Variants in TAMM41 observed in about 807,000 individuals in gnomAD.
TAMM41 encodes the protein TAM41 mitochondrial translocator assembly and maintenance homolog, also known as phosphatidate cytidylyltransferase, mitochondrial.
A neutral mutation model predicts 44.1 loss-of-function variants in TAMM41; 36 were observed. That is an observed-to-expected ratio of 0.82 (90% CI 0.63 to 1.08). The LOEUF (loss-of-function observed/expected upper bound fraction) is 1.08, where lower values mean the gene tolerates loss of function less well. TAMM41 is among the 50% of genes least tolerant of loss of function. TAMM41 has a pLI of 0.00. For missense variants in TAMM41, 417 were observed against 404.3 expected (o/e 1.03, Z -0.27); for synonymous variants, 164 against 153.1 (o/e 1.07, Z -0.53).
chr3:11,766,704 C>T, the TAMM41 span, among the ~76,000 whole-genome samples: 4 of 151,292 alleles, frequency 2.6e-5, no homozygotes, highest in African/African-American at 7.3e-5. Context: ...GTAGCTGGGA[C>T]CAGGTGTGTG....
At chr3:11,807,135 A>G (rs2077933244) in intron 7 of TAMM41, 1 of 977,222 alleles carries the variant, frequency 1.0e-6, no homozygotes, top group Non-Finnish European at 1.2e-6. Flanking sequence ...CATGAGATAC[A>G]GTAAATGGGG....
At chr3:11,772,185 C>T in the TAMM41 span, among the ~76,000 whole-genome samples, 1 of 151,972 alleles carries the variant, frequency 6.6e-6, no homozygotes, top group Non-Finnish European at 1.5e-5. Context: ...ATTCTCCTGC[C>T]TCAGCCTCCG....
At chr3:11,729,786 C>G in the TAMM41 span, among the ~76,000 whole-genome samples, 1 of 151,536 alleles carries the variant, frequency 6.6e-6, no homozygotes, top group Non-Finnish European at 1.5e-5. Flanking sequence ...TCTCGAACTA[C>G]TGACTGCAAG....
chr3:11,736,830 T>G, the TAMM41 span, among the ~76,000 whole-genome samples: 1 of 152,178 alleles, frequency 6.6e-6, no homozygotes, highest in African/African-American at 2.4e-5. Context: ...GGGGAAATTC[T>G]TCTGTAGACT....
the TAMM41 span, among the ~76,000 whole-genome samples, chr3:11,723,085 T>C: frequency 6.6e-6 from 1 of 151,594 alleles, no homozygotes; most frequent in African/African-American, 2.4e-5. Context: ...ATGACACCAC[T>C]GTACTCCAGC....
chr3:11,755,488 G>A, the TAMM41 span, among the ~76,000 whole-genome samples: 1 of 152,180 alleles, frequency 6.6e-6, no homozygotes, highest in African/African-American at 2.4e-5. Flanking sequence ...GGTGCTTCAA[G>A]CACTGGAGTC....
intron 2 of TAMM41, among the ~76,000 whole-genome samples, chr3:11,843,044 C>A (rs999225980): frequency 1.3e-5 from 2 of 152,204 alleles, no homozygotes; most frequent in African/African-American, 4.8e-5. Flanking sequence ...AACTTACCTG[C>A]TCTCCAACAG....
At chr3:11,808,139 T>A in intron 6 of TAMM41, 1 of 977,822 alleles carries the variant, frequency 1.0e-6, no homozygotes, top group Non-Finnish European at 1.4e-6. Context: ...AACAGCTCTG[T>A]GCCTCTTCCC....
intron 4 of TAMM41, among the ~76,000 whole-genome samples, chr3:11,827,821 T>C (rs2078821820): frequency 6.6e-6 from 1 of 152,150 alleles, no homozygotes; most frequent in Non-Finnish European, 1.5e-5. Flanking sequence ...CTATATAAAA[T>C]GTAAAGGATT....
chr3:11,805,967 A>G lies in TAMM41; in HGVS notation c.937+1866T>C, dbSNP rs142128372. On this transcript the variant is annotated intron_variant, in intron 7 of 7. Coordinates refer to ENST00000455809, the MANE Select transcript of TAMM41 (RefSeq NM_001284401.2). ...GGCAGGTCTTTCCTGTGCTGTTTTC[A>G]TAATAGTGAATAAGTGTTACGAGAT... Among the ~76,000 whole-genome samples, 392 of 152,314 alleles carry G rather than the reference A, an allele frequency of 2.6e-3. 1 individual carries two copies. Among genetic ancestry groups the G allele is most frequent in the African/African-American group, 8.9e-3 (368 of 41,568 alleles).
At chr3:11,757,645 C>G in the TAMM41 span, among the ~76,000 whole-genome samples, 1 of 152,326 alleles carries the variant, frequency 6.6e-6, no homozygotes, top group Non-Finnish European at 1.5e-5. Flanking sequence ...CCCAATGGGC[C>G]TGATGAACTG....
At chr3:11,732,460 G>C in the TAMM41 span, among the ~76,000 whole-genome samples, 1 of 152,322 alleles carries the variant, frequency 6.6e-6, no homozygotes, top group Middle Eastern at 3.4e-3. Context: ...CCTCTAACAC[G>C]GAGGTGTTGG....
chr3:11,746,147 A>G, the TAMM41 span, among the ~76,000 whole-genome samples: 1 of 151,964 alleles, frequency 6.6e-6, no homozygotes, highest in South Asian at 2.1e-4. Flanking sequence ...AAAAATACAA[A>G]AAAATTAGTC....
At chr3:11,729,147 C>T in the TAMM41 span, among the ~76,000 whole-genome samples, 6 of 152,168 alleles carry the variant, frequency 3.9e-5, no homozygotes, top group East Asian at 3.9e-4. Context: ...TTGCTCAGAC[C>T]CAGACATCTG....
At chr3:11,792,398 G>A (rs2077500388) in intron 7 of TAMM41, among the ~76,000 whole-genome samples, 1 of 152,144 alleles carries the variant, frequency 6.6e-6, no homozygotes. Context: ...TAAAATGACT[G>A]GGTTGGAATA....
chr3:11,803,217 A>T (rs1229095392), intron 7 of TAMM41, among the ~76,000 whole-genome samples: 1 of 152,188 alleles, frequency 6.6e-6, no homozygotes, highest in Non-Finnish European at 1.5e-5. Flanking sequence ...GGTTGCTGCG[A>T]GCTGAGATTG....
the TAMM41 span, among the ~76,000 whole-genome samples, chr3:11,759,974 C>CA: frequency 3.3e-5 from 5 of 150,964 alleles, 1 homozygote; most frequent in East Asian, 7.8e-4. Context: ...AACTCCATCT[C>CA]AAAAAAAAAG....
the TAMM41 span, among the ~76,000 whole-genome samples, chr3:11,781,874 C>T: frequency 1.3e-5 from 2 of 152,188 alleles, no homozygotes; most frequent in Admixed American, 6.5e-5. Context: ...CTCATCCCAC[C>T]GGTAAGGTGA....
At chr3:11,739,975 A>G in the TAMM41 span, among the ~76,000 whole-genome samples, 1 of 152,214 alleles carries the variant, frequency 6.6e-6, no homozygotes, top group African/African-American at 2.4e-5. Context: ...AAGGAAGGAA[A>G]GAATGAATCC....
Sources: allele counts gnomAD v4.1 joint callset (sites outside exome capture counted in the v4.1 genomes callset), GRCh38; gene constraint gnomAD v4.1.1; transcripts MANE v1.5; gene names NCBI Gene and HGNC (gene_info 2026-07-23, HGNC 2026-07-21).